The following TPTE2 variants were observed in gnomAD, a reference collection of about 807,000 sequenced individuals.
The protein encoded by TPTE2 is transmembrane phosphoinositide 3-phosphatase and tensin homolog 2, also known as phosphatidylinositol 3,4,5-trisphosphate 3-phosphatase TPTE2.
Under a neutral mutation model 78.6 loss-of-function variants are expected in TPTE2, and 53 were observed. That is an observed-to-expected ratio of 0.67 (90% CI 0.54 to 0.85). The LOEUF (loss-of-function observed/expected upper bound fraction) is 0.85. Ranked by LOEUF, TPTE2 falls within the 40% of genes least tolerant of loss-of-function variation. TPTE2 has a pLI of 0.00. For missense variants in TPTE2, 461 were observed against 623.0 expected (o/e 0.74, Z 2.77); for synonymous variants, 175 against 206.2 (o/e 0.85, Z 1.30).
intron 1 of TPTE2, among the ~76,000 whole-genome samples, chr13:19,519,812 A>G (rs1870040711): frequency 6.6e-6 from 1 of 152,176 alleles, no homozygotes; most frequent in Non-Finnish European, 1.5e-5. Context: ...ATTTCTACAA[A>G]AAGAGAAGCT....
At chr13:19,427,432 C>T (rs2497225) in intron 17 of TPTE2, among the ~76,000 whole-genome samples, 20,375 of 152,016 alleles carry the variant, frequency 0.13, 1,515 homozygotes, top group African/African-American at 0.19. Context: ...TTGAATTTTC[C>T]ATTAGACTTT....
chr13:19,519,053 A>C (rs1445035161), intron 1 of TPTE2, among the ~76,000 whole-genome samples: 1 of 152,174 alleles, frequency 6.6e-6, no homozygotes, highest in Non-Finnish European at 1.5e-5. Flanking sequence ...TACTTGCAGA[A>C]ACCCCACCAG....
chr13:19,533,944 T>C (rs1871039755), intron 1 of TPTE2, among the ~76,000 whole-genome samples: 2 of 152,264 alleles, frequency 1.3e-5, no homozygotes, highest in African/African-American at 4.8e-5. Flanking sequence ...AGATCTGCTG[T>C]TGCTCTTCAA....
chr13:19,556,167 A>G, the TPTE2 span, among the ~76,000 whole-genome samples: 1 of 152,072 alleles, frequency 6.6e-6, no homozygotes, highest in Non-Finnish European at 1.5e-5. Context: ...GAGGCGATTC[A>G]TTGTCCCTAT....
intron 15 of TPTE2, among the ~76,000 whole-genome samples, chr13:19,432,957 A>G (rs371391707): frequency 2.0e-5 from 3 of 152,262 alleles, no homozygotes; most frequent in South Asian, 2.1e-4. Context: ...AGCTTCCTGG[A>G]CATGAGAGAA....
At position 19,535,222 on chromosome 13, in the gene TPTE2, A is replaced by C. The variant is rs567104432; in HGVS notation, c.-44+1374T>G. ...CTTCTCAAAAAAACAAACAAACAAA[A>C]AAATATATATATATATATATTCTTT... On this transcript the variant is annotated intron_variant, in intron 1 of 17. Transcript: ENST00000390680. The surrounding 1 kb of genome is among the most constrained non-coding windows in gnomAD (Gnocchi z 5.1). Among the ~76,000 whole-genome samples the C allele has an allele frequency of 8.7e-4, 8 of 9,180 alleles. No individual in the cohort carries two copies. The East Asian group carries it at 0.083, about 96-fold the overall frequency. 6.0% of individuals were successfully genotyped at this position (9,180 alleles called of 152,430 possible).
In TPTE2 at chr13:19,467,773, G is replaced by A. The variant is rs370811923; in HGVS notation, c.393-429C>T. Reference sequence around the variant, plus strand: ...TCTGTTGTGCTATCAAATAGTAGGCGTTACTCATTCTATTTTTTTGTACCC... The same window carrying A: ...TCTGTTGTGCTATCAAATAGTAGGCATTACTCATTCTATTTTTTTGTACCC... On this transcript the variant is annotated intron_variant, in intron 6 of 19. Coordinates refer to ENST00000400230, the Ensembl canonical transcript of TPTE2. Among the ~76,000 whole-genome samples the A allele has an allele frequency of 3.0e-3, 457 of 151,778 alleles. 3 individuals carry two copies. The highest frequency in any genetic ancestry group is 8.8e-3 in the African/African-American group (364 of 41,368).
At chr13:19,468,346 C>G (rs1879417431) in intron 6 of TPTE2, among the ~76,000 whole-genome samples, 3 of 151,870 alleles carry the variant, frequency 2.0e-5, no homozygotes, top group Non-Finnish European at 4.4e-5. Flanking sequence ...TGGCCAGGAT[C>G]TTATTGTTTT....
At chr13:19,504,528 C>T (rs1321196559), upstream of TPTE2, among the ~76,000 whole-genome samples, 1 of 152,086 alleles carries the variant, frequency 6.6e-6, no homozygotes, top group African/African-American at 2.4e-5. Context: ...GCTCCCTGTC[C>T]ACTGCTACTC....
At chr13:19,457,310 G>T (rs1182387520) in intron 10 of TPTE2, among the ~76,000 whole-genome samples, 3 of 152,156 alleles carry the variant, frequency 2.0e-5, no homozygotes, top group Admixed American at 2.0e-4. Context: ...ATAGATGCAT[G>T]CATATATAAT....
upstream of TPTE2, among the ~76,000 whole-genome samples, chr13:19,538,632 G>A (rs1871345593): frequency 6.6e-6 from 1 of 150,938 alleles, no homozygotes; most frequent in Non-Finnish European, 1.5e-5. Context: ...AGGTTCAAGT[G>A]ATTCTCCTGC....
chr13:19,443,341 TA>T (rs796688075), intron 13 of TPTE2, among the ~76,000 whole-genome samples: 3,385 of 141,542 alleles, frequency 0.024, 117 homozygotes, highest in African/African-American at 0.074. Context: ...ATTCATGATT[TA>T]AAAAAAAAAA....
chr13:19,511,799 T>C (rs1486711526), intron 1 of TPTE2, among the ~76,000 whole-genome samples: 1 of 152,050 alleles, frequency 6.6e-6, no homozygotes, highest in Non-Finnish European at 1.5e-5. Context: ...TAAATAGGGG[T>C]AGGAATAGCT....
intron 1 of TPTE2, among the ~76,000 whole-genome samples, chr13:19,529,489 AT>A (rs1870734280): frequency 6.6e-6 from 1 of 152,200 alleles, no homozygotes. Context: ...AAATCTCTTG[AT>A]TTTACACAGT....
rs201420416 is a variant in TPTE2, at chr13:19,479,050, C to A, written c.180-3427G>T. Among the ~76,000 whole-genome samples the A allele has an allele frequency of 2.1e-4, 32 of 152,162 alleles. 1 individual carries two copies. The East Asian group carries it at 6.0e-3, about 28-fold the overall frequency. On this transcript the variant is annotated intron_variant, in intron 4 of 19. Transcript: ENST00000400230. ...GGGAGGGATAGCATTAGGAGATACACCTAATGTAAATGACGAATTAATGGG... is the reference window on the plus strand; with the variant it reads ...GGGAGGGATAGCATTAGGAGATACAACTAATGTAAATGACGAATTAATGGG...
chr13:19,493,332 G>A, intron 2 of TPTE2, 116 bp downstream of exon 5: 1 of 699,282 alleles, frequency 1.4e-6, no homozygotes, highest in Non-Finnish European at 2.3e-6. Context: ...TGGATGGATG[G>A]ATGGATGGAT....
chr13:19,490,780 G>A (rs567358032), intron 3 of TPTE2, among the ~76,000 whole-genome samples: 12 of 152,258 alleles, frequency 7.9e-5, no homozygotes, highest in African/African-American at 2.9e-4. Flanking sequence ...AAGAGACCAG[G>A]GGTCTATTAG....
chr13:19,558,533 A>G, the TPTE2 span, among the ~76,000 whole-genome samples: 1 of 152,244 alleles, frequency 6.6e-6, no homozygotes, highest in African/African-American at 2.4e-5. Flanking sequence ...AATTTTGACT[A>G]GAATCTGTTA....
At chr13:19,440,495 T>C (rs1332327323) in intron 13 of TPTE2, among the ~76,000 whole-genome samples, 1 of 152,120 alleles carries the variant, frequency 6.6e-6, no homozygotes, top group Non-Finnish European at 1.5e-5. Context: ...ATGGGCCGGA[T>C]GCAGTGGCTC....
Sources: gnomAD v4.1 joint callset for allele counts (sites outside exome capture counted in the v4.1 genomes callset) on GRCh38, gnomAD v4.1.1 for gene constraint, Gnocchi (gnomAD v3.1) non-coding constraint, MANE v1.5 for transcripts, NCBI Gene and HGNC (gene_info 2026-07-23, HGNC 2026-07-21) for gene names.